The following TSPAN18 variants were observed in gnomAD, a reference collection of about 807,000 sequenced individuals.
The protein encoded by TSPAN18 is tetraspanin-18.
A neutral mutation model predicts 27.3 loss-of-function variants in TSPAN18; 14 were observed. The ratio of observed to expected loss-of-function variants is 0.51; its 90% CI spans 0.34 to 0.80. The LOEUF (loss-of-function observed/expected upper bound fraction) is 0.80. Among genes scored for constraint, TSPAN18 ranks in the 30% least tolerant of loss-of-function variants. TSPAN18 has a pLI of 0.01. For synonymous variants in TSPAN18, 143 were observed against 136.5 expected (o/e 1.05, Z -0.33); for missense variants, 268 against 323.9 (o/e 0.83, Z 1.32).
intron 4 of TSPAN18, among the ~76,000 whole-genome samples, chr11:44,908,806 A>AGAAGGAAGGAAG (rs1564993044): frequency 8.7e-6 from 1 of 114,558 alleles, no homozygotes; most frequent in Non-Finnish European, 1.8e-5. Flanking sequence ...AAAGAAAGAA[A>AGAAGGAAGGAAG]GAAAGAAAGA....
At chr11:44,922,752 C>T (rs1027578946) in intron 8 of TSPAN18, among the ~76,000 whole-genome samples, 1 of 152,166 alleles carries the variant, frequency 6.6e-6, no homozygotes, top group Non-Finnish European at 1.5e-5. Flanking sequence ...GGAGGAGGTG[C>T]TGAGTGACTG....
chr11:44,872,613 A>G (rs1008624021), intron 3 of TSPAN18, among the ~76,000 whole-genome samples: 4 of 152,216 alleles, frequency 2.6e-5, no homozygotes, highest in Non-Finnish European at 5.9e-5. Context: ...TAATGATAGC[A>G]GGTATCTATA....
chr11:44,762,702 T>A (rs1175495673), intron 1 of TSPAN18, among the ~76,000 whole-genome samples: 5 of 152,130 alleles, frequency 3.3e-5, no homozygotes, highest in Non-Finnish European at 7.4e-5. Context: ...TTAGTCTGGT[T>A]CATGATGCAT....
At chr11:44,781,757 C>A (rs544914813) in intron 2 of TSPAN18, among the ~76,000 whole-genome samples, 10 of 152,156 alleles carry the variant, frequency 6.6e-5, no homozygotes, top group Non-Finnish European at 1.3e-4. Context: ...TGTACAATAA[C>A]ATCCATTTTG....
rs1860126358 is a variant in TSPAN18, at chr11:44,921,334, T to C, written c.615+1335T>C. Among the ~76,000 whole-genome samples, 5 of 152,128 alleles carry C rather than the reference T, an allele frequency of 3.3e-5. No homozygotes were observed. In the South Asian group the frequency reaches 1.0e-3, roughly 32 times the overall value. ...GTTGCCTTCGCCAAGACACCCTCGC[T>C]GGACCTCAGATTCCATATGTTGGCA... On this transcript the variant is annotated intron_variant, in intron 8 of 9. Transcript: ENST00000520358.
At chr11:44,853,804 C>T (rs186178535) in intron 2 of TSPAN18, among the ~76,000 whole-genome samples, 33 of 152,228 alleles carry the variant, frequency 2.2e-4, no homozygotes, top group South Asian at 8.3e-4. Context: ...GGAAACTGAC[C>T]GGAGTGCAGA....
chr11:44,777,878 A>T (rs192800524), intron 2 of TSPAN18, among the ~76,000 whole-genome samples: 458 of 152,226 alleles, frequency 3.0e-3, no homozygotes, highest in Admixed American at 2.9e-3. Flanking sequence ...TGGTTCAGGG[A>T]CTAGGGATAC....
intron 1 of TSPAN18, among the ~76,000 whole-genome samples, chr11:44,758,298 T>C (rs948500080): frequency 6.6e-6 from 1 of 152,252 alleles, no homozygotes; most frequent in Non-Finnish European, 1.5e-5. Flanking sequence ...ATGCACCATT[T>C]GATATAATTG....
intron 2 of TSPAN18, among the ~76,000 whole-genome samples, chr11:44,807,224 AAAAAAAAAAAAAG>A (rs1856614866): frequency 1.6e-4 from 4 of 25,520 alleles, no homozygotes; most frequent in East Asian, 3.0e-3. Flanking sequence ...AAAAAAAAAA[AAAAAAAAAAAAAG>A]AAGGAAAGAG....
intron 2 of TSPAN18, among the ~76,000 whole-genome samples, chr11:44,826,093 C>A (rs1482564386): frequency 6.6e-6 from 1 of 152,150 alleles, no homozygotes; most frequent in Non-Finnish European, 1.5e-5. Flanking sequence ...AGTGAGGGGG[C>A]CATCGCAGAA....
At chr11:44,901,237 G>C (rs1251327500) in intron 3 of TSPAN18, 1 of 152,188 alleles carries the variant, frequency 6.6e-6, no homozygotes, top group Non-Finnish European at 1.5e-5. Flanking sequence ...GTTGTGGGAG[G>C]CTCTTCCCAG....
intron 3 of TSPAN18, among the ~76,000 whole-genome samples, chr11:44,869,301 G>A (rs996686291): frequency 1.8e-4 from 27 of 152,204 alleles, no homozygotes; most frequent in African/African-American, 6.5e-4. Flanking sequence ...TCATTCCCAT[G>A]CTGTGCAAAG....
chr11:44,765,636 A>G (rs905834654), intron 2 of TSPAN18, among the ~76,000 whole-genome samples: 1 of 152,206 alleles, frequency 6.6e-6, no homozygotes, highest in Admixed American at 6.5e-5. Flanking sequence ...TGACTTGTCT[A>G]AGGTCACATA....
intron 1 of TSPAN18, among the ~76,000 whole-genome samples, chr11:44,743,791 C>T (rs1660168336): frequency 6.6e-6 from 1 of 152,080 alleles, no homozygotes; most frequent in South Asian, 2.1e-4. Flanking sequence ...CTTCCTTGGG[C>T]CCAGAGCTCC....
intron 2 of TSPAN18, among the ~76,000 whole-genome samples, chr11:44,829,424 T>C (rs1406521927): frequency 6.6e-6 from 1 of 152,248 alleles, no homozygotes; most frequent in Non-Finnish European, 1.5e-5. Flanking sequence ...TGTCATATAA[T>C]TGGAATTATA....
chr11:44,828,966 C>T (rs989594187), intron 2 of TSPAN18, among the ~76,000 whole-genome samples: 2 of 152,188 alleles, frequency 1.3e-5, no homozygotes, highest in Non-Finnish European at 2.9e-5. Flanking sequence ...TCTTGCCCCT[C>T]TCATCAATCC....
At chr11:44,782,813 T>C (rs1315676022) in intron 2 of TSPAN18, among the ~76,000 whole-genome samples, 4 of 152,232 alleles carry the variant, frequency 2.6e-5, no homozygotes, top group Non-Finnish European at 4.4e-5. Flanking sequence ...CACTTTCTTT[T>C]GTAAAATATC....
rs775358770 is a variant in TSPAN18, at chr11:44,930,753, A to C, written c.*1575A>C. On this transcript the variant is annotated 3_prime_UTR_variant, in exon 10 of 10. Transcript: ENST00000520358. ...GGGAGACGGCAGTGCAATCCTGATG[A>C]GTGATGTCTGCCAGGCACCGTAAGT... 9.2e-6 allele frequency: 4 copies of C among 434,954 alleles called. No homozygotes were observed. Among genetic ancestry groups the C allele is most frequent in the African/African-American group, 4.0e-5 (2 of 49,734 alleles). 26.9% of individuals were successfully genotyped at this position (434,954 alleles called of 1,614,324 possible). A position where few individuals can be genotyped will look rare whatever the true frequency, so the allele number is the denominator to read the frequency against.
rs191689301 is a variant in TSPAN18, at chr11:44,785,021, C to T, written c.-153+20509C>T. Among the ~76,000 whole-genome samples the T allele has an allele frequency of 1.7e-3, 260 of 152,292 alleles. 1 individual carries two copies. The highest frequency in any genetic ancestry group is 6.0e-3 in the African/African-American group (250 of 41,560). On this transcript the variant is annotated intron_variant, in intron 2 of 9. Transcript: ENST00000520358. ...GAATATCTATGGTGATTTTAATCAT[C>T]CCTAACCACGGTAATGAGACAAAGC... is the stretch of plus-strand genomic sequence containing the variant.
Sources: allele counts gnomAD v4.1 joint callset (sites outside exome capture counted in the v4.1 genomes callset), GRCh38; gene constraint gnomAD v4.1.1; transcripts MANE v1.5; gene names NCBI Gene and HGNC (gene_info 2026-07-23, HGNC 2026-07-21).